ZSWIM6: variants seen among roughly 807,000 people sequenced by gnomAD.
The protein encoded by ZSWIM6 is zinc finger SWIM domain-containing protein 6.
ZSWIM6 carries 9 observed loss-of-function variants against 113.2 expected under a neutral mutation model. That is an observed-to-expected ratio of 0.08 (90% CI 0.05 to 0.14). The LOEUF (loss-of-function observed/expected upper bound fraction) is 0.14, where lower values mean the gene tolerates loss of function less well. Ranked by LOEUF, ZSWIM6 falls within the 10% of genes least tolerant of loss-of-function variation. The probability of loss-of-function intolerance (pLI) is 1.00; values close to 1 mark genes in which losing one functional copy is unlikely to be tolerated. For missense variants in ZSWIM6, 1,162 were observed against 1,552.2 expected, an observed-to-expected ratio of 0.75 and a Z score of 4.22; for synonymous variants, 611 against 606.5, an observed-to-expected ratio of 1.01 and a Z score of -0.11.
At chr5:61,526,095 G>A (rs1749274871) in intron 6 of ZSWIM6, 119 bp downstream of exon 6, 1 of 1,410,274 alleles carries the variant, frequency 7.1e-7, no homozygotes, top group Non-Finnish European at 9.5e-7. Flanking sequence ...TGAATGCTTG[G>A]CAATAGGAGC....
At chr5:61,475,077 G>A (rs552261481) in intron 2 of ZSWIM6, among the ~76,000 whole-genome samples, 22 of 152,294 alleles carry the variant, frequency 1.4e-4, no homozygotes, top group South Asian at 4.1e-4. Flanking sequence ...TCTTGCTGCC[G>A]TGTGAAAATT....
chr5:61,333,474 G>T (rs1744314158), intron 1 of ZSWIM6, among the ~76,000 whole-genome samples: 1 of 151,986 alleles, frequency 6.6e-6, no homozygotes, highest in African/African-American at 2.4e-5. Flanking sequence ...GATTTGAGGG[G>T]AGGGGAATAC....
chr5:61,404,570 T>C (rs1746010689), intron 1 of ZSWIM6, among the ~76,000 whole-genome samples: 1 of 152,244 alleles, frequency 6.6e-6, no homozygotes, highest in Non-Finnish European at 1.5e-5. Context: ...AGAAAAGTTC[T>C]ATAGCCACTG....
chr5:61,525,016 G>A (rs1749239934), intron 5 of ZSWIM6, among the ~76,000 whole-genome samples: 1 of 152,104 alleles, frequency 6.6e-6, no homozygotes. Context: ...TCTCCGTCAG[G>A]TCCTGAAACT....
chr5:61,345,306 G>A (rs539471929), intron 1 of ZSWIM6, among the ~76,000 whole-genome samples: 1 of 152,232 alleles, frequency 6.6e-6, no homozygotes, highest in African/African-American at 2.4e-5. Flanking sequence ...GTTCATTTTT[G>A]TAGGGAGCAG....
At chr5:61,333,842 A>G (rs1043909433) in intron 1 of ZSWIM6, among the ~76,000 whole-genome samples, 4 of 151,648 alleles carry the variant, frequency 2.6e-5, no homozygotes, top group Non-Finnish European at 4.4e-5. Context: ...CTGTGTGGTC[A>G]GGTCGTGGTG....
chr5:61,366,666 C>T (rs1461382095), intron 1 of ZSWIM6, among the ~76,000 whole-genome samples: 5 of 152,190 alleles, frequency 3.3e-5, no homozygotes, highest in Non-Finnish European at 7.3e-5. Context: ...GGTGTGGTGG[C>T]TCATGCCTGT....
chr5:61,349,224 A>C (rs1315351139), intron 1 of ZSWIM6, among the ~76,000 whole-genome samples: 1 of 152,204 alleles, frequency 6.6e-6, no homozygotes, highest in African/African-American at 2.4e-5. Context: ...AGAGCATTTA[A>C]ATACAAAGTC....
chr5:61,406,034 A>G (rs1746037009), intron 1 of ZSWIM6, among the ~76,000 whole-genome samples: 1 of 152,202 alleles, frequency 6.6e-6, no homozygotes, highest in Non-Finnish European at 1.5e-5. Context: ...CCTGAGCTGC[A>G]TTAGGGTCTT....
chr5:61,454,874 GC>G (rs1338746343), intron 1 of ZSWIM6, among the ~76,000 whole-genome samples: 3 of 149,112 alleles, frequency 2.0e-5, no homozygotes, highest in African/African-American at 7.4e-5. Flanking sequence ...GTGAGCCACT[GC>G]CCCCAGTGAA....
intron 1 of ZSWIM6, among the ~76,000 whole-genome samples, chr5:61,434,421 G>A (rs1208285431): frequency 6.6e-6 from 1 of 151,752 alleles, no homozygotes; most frequent in African/African-American, 2.4e-5. Flanking sequence ...TGTACCCAAT[G>A]TGTAGTCTTT....
At chr5:61,526,035 G>A (rs1749271079) in intron 6 of ZSWIM6, 59 bp downstream of exon 6, 1 of 1,530,662 alleles carries the variant, frequency 6.5e-7, no homozygotes, top group African/African-American at 1.4e-5. Context: ...AGTTTCTATA[G>A]CATTACTGGA....
At chr5:61,385,328 G>T (rs1745572089) in intron 1 of ZSWIM6, among the ~76,000 whole-genome samples, 1 of 152,222 alleles carries the variant, frequency 6.6e-6, no homozygotes, top group African/African-American at 2.4e-5. Flanking sequence ...TTCCTGGGTT[G>T]TCCGGGAAAT....
At chr5:61,464,605 A>C (rs1394101780) in intron 1 of ZSWIM6, among the ~76,000 whole-genome samples, 1 of 152,070 alleles carries the variant, frequency 6.6e-6, no homozygotes, top group African/African-American at 2.4e-5. Context: ...TGTTGGGGTG[A>C]GGGATCAGGT....
chr5:61,467,830 A>C (rs373365176), intron 1 of ZSWIM6, among the ~76,000 whole-genome samples: 24 of 150,788 alleles, frequency 1.6e-4, no homozygotes, highest in South Asian at 2.1e-4. Flanking sequence ...ATCAAATAGC[A>C]GTGATTCTTC....
At chr5:61,430,288 A>G (rs1746552342) in intron 1 of ZSWIM6, among the ~76,000 whole-genome samples, 1 of 152,198 alleles carries the variant, frequency 6.6e-6, no homozygotes, top group Non-Finnish European at 1.5e-5. Flanking sequence ...AATCATATCA[A>G]AATGATTTTC....
intron 9 of ZSWIM6, among the ~76,000 whole-genome samples, chr5:61,534,766 A>T (rs1324082689): frequency 6.6e-6 from 1 of 152,208 alleles, no homozygotes; most frequent in Admixed American, 6.5e-5. Context: ...GTCAGAATTT[A>T]CTAAGAAATG....
chr5:61,391,749 G>A, intron 1 of ZSWIM6: 1 of 1,110,300 alleles, frequency 9.0e-7, no homozygotes, highest in Non-Finnish European at 1.4e-6. Flanking sequence ...CTGTGAGGTG[G>A]ACCAGCTTGG....
chr5:61,378,617 GT>G (rs1478819498), intron 1 of ZSWIM6, among the ~76,000 whole-genome samples: 25 of 151,796 alleles, frequency 1.6e-4, no homozygotes, highest in Non-Finnish European at 2.4e-4. Context: ...GTGCAATAGC[GT>G]GATCTCAGCT....
Sources: allele counts gnomAD v4.1 joint callset (sites outside exome capture counted in the v4.1 genomes callset), GRCh38; gene constraint gnomAD v4.1.1; transcripts MANE v1.5; gene names NCBI Gene and HGNC (gene_info 2026-07-23, HGNC 2026-07-21).